MGAT5: variants seen among roughly 807,000 people sequenced by gnomAD.
MGAT5 encodes the protein alpha-1,6-mannosylglycoprotein 6-beta-N-acetylglucosaminyltransferase.
MGAT5 carries 30 observed loss-of-function variants against 94.3 expected under a neutral mutation model. The ratio of observed to expected loss-of-function variants is 0.32; its 90% confidence interval spans 0.24 to 0.43. The LOEUF (loss-of-function observed/expected upper bound fraction) is 0.43, where lower values mean the gene tolerates loss of function less well. MGAT5 is among the 20% of genes least tolerant of loss of function. The probability of loss-of-function intolerance (pLI) is 1.00; values close to 1 mark genes in which losing one functional copy is unlikely to be tolerated. For missense variants in MGAT5, 691 were observed against 905.5 expected (o/e 0.76, Z 3.04); for synonymous variants, 310 against 322.9 (o/e 0.96, Z 0.43).
At chr2:134,440,271 G>A (rs1014290368) in intron 14 of MGAT5, among the ~76,000 whole-genome samples, 2 of 152,126 alleles carry the variant, frequency 1.3e-5, no homozygotes, top group Non-Finnish European at 2.9e-5. Flanking sequence ...TTGAATATAC[G>A]AAATGTTGTA....
intron 9 of MGAT5, among the ~76,000 whole-genome samples, chr2:134,350,469 T>C: frequency 6.6e-6 from 1 of 152,232 alleles, no homozygotes; most frequent in East Asian, 1.9e-4. Context: ...TTTTACCTTC[T>C]CTTGCTGACT....
At chr2:134,270,590 C>T (rs776819998) in intron 2 of MGAT5, 40 bp downstream of exon 2, 1 of 1,602,366 alleles carries the variant, frequency 6.2e-7, no homozygotes. Flanking sequence ...GGAGTCACAC[C>T]CTGCTTTGGA....
intron 11 of MGAT5, 31 bp from the exon 12 acceptor site, chr2:134,412,838 T>A (rs199596283): frequency 3.4e-4 from 542 of 1,613,372 alleles, no homozygotes; most frequent in Non-Finnish European, 4.4e-4. Flanking sequence ...GCCTGATGTG[T>A]TCATACGCTG....
chr2:134,262,720 A>T (rs7596803), intron 1 of MGAT5, among the ~76,000 whole-genome samples: 32,367 of 152,188 alleles, frequency 0.21, 4,888 homozygotes, highest in African/African-American at 0.39. Flanking sequence ...TCCTATTAGT[A>T]ATCACTAACT....
intron 10 of MGAT5, among the ~76,000 whole-genome samples, chr2:134,389,721 G>A (rs1682280808): frequency 6.6e-6 from 1 of 152,208 alleles, no homozygotes; most frequent in Admixed American, 6.5e-5. Flanking sequence ...TAAATTTGGA[G>A]TACTTGTATT....
At chr2:134,231,837 TTC>T (rs1681379575) in intron 1 of MGAT5, among the ~76,000 whole-genome samples, 2 of 152,174 alleles carry the variant, frequency 1.3e-5, no homozygotes, top group Admixed American at 1.3e-4. Flanking sequence ...TGGCTGGTCC[TTC>T]TTGCCTGCTG....
At chr2:134,226,152 C>A (rs1363229532) in intron 1 of MGAT5, among the ~76,000 whole-genome samples, 1 of 152,174 alleles carries the variant, frequency 6.6e-6, no homozygotes, top group Non-Finnish European at 1.5e-5. Context: ...TCTTTGAACT[C>A]AAATGGAAGT....
intron 1 of MGAT5, among the ~76,000 whole-genome samples, chr2:134,230,780 T>C (rs1334600510): frequency 6.6e-6 from 1 of 152,094 alleles, no homozygotes; most frequent in Non-Finnish European, 1.5e-5. Context: ...AGTTATCATA[T>C]GACCCAGTAA....
intron 4 of MGAT5, among the ~76,000 whole-genome samples, chr2:134,320,889 C>CT (rs1189623488): frequency 1.3e-5 from 2 of 152,108 alleles, no homozygotes; most frequent in African/African-American, 4.8e-5. Context: ...TCAAGTTACA[C>CT]TTTTTGGGGG....
intron 10 of MGAT5, among the ~76,000 whole-genome samples, chr2:134,402,538 G>A (rs1574023420): frequency 6.6e-6 from 1 of 152,258 alleles, no homozygotes; most frequent in East Asian, 1.9e-4. Context: ...CTCTGGGACA[G>A]CTTAGCATCT....
intron 1 of MGAT5, among the ~76,000 whole-genome samples, chr2:134,216,320 TGTC>T (rs74323075): frequency 0.041 from 6,236 of 152,286 alleles, 168 homozygotes; most frequent in East Asian, 0.069. Context: ...TTGTTCATGT[TGTC>T]GTCCTATGAG....
chr2:134,308,126 A>G (rs1319870342), intron 2 of MGAT5, among the ~76,000 whole-genome samples: 3 of 152,194 alleles, frequency 2.0e-5, no homozygotes, highest in African/African-American at 7.2e-5. Flanking sequence ...TAATCGGTGT[A>G]CATAAGATAC....
intron 2 of MGAT5, 81 bp from the exon 3 acceptor site, chr2:134,317,448 C>T: frequency 1.9e-6 from 2 of 1,061,146 alleles, no homozygotes; most frequent in Non-Finnish European, 1.3e-6. Context: ...GGTTTCTCTC[C>T]CTACCTCTTG....
chr2:134,191,814 G>T (rs556366390), intron 1 of MGAT5, among the ~76,000 whole-genome samples: 5 of 150,112 alleles, frequency 3.3e-5, no homozygotes, highest in Non-Finnish European at 7.4e-5. Context: ...GCGCGAGCGG[G>T]TTCCTGATGG....
At chr2:134,394,498 T>C (rs1239186318) in intron 10 of MGAT5, among the ~76,000 whole-genome samples, 1 of 152,262 alleles carries the variant, frequency 6.6e-6, no homozygotes, top group Non-Finnish European at 1.5e-5. Context: ...ACACAAAATG[T>C]AATGTTATTC....
chr2:134,255,664 G>C (rs1682918232), intron 1 of MGAT5, among the ~76,000 whole-genome samples: 1 of 152,156 alleles, frequency 6.6e-6, no homozygotes, highest in Admixed American at 6.5e-5. Flanking sequence ...TCTGATCATT[G>C]AATTGAGGTT....
chr2:134,191,589 G>C (rs1203317882), intron 1 of MGAT5, among the ~76,000 whole-genome samples: 1 of 145,850 alleles, frequency 6.9e-6, no homozygotes, highest in African/African-American at 2.6e-5. Context: ...TCTGGCGCAA[G>C]TGGGTTTCTC....
chr2:134,277,941 T>TA (rs1684478296), intron 2 of MGAT5, among the ~76,000 whole-genome samples: 1 of 152,216 alleles, frequency 6.6e-6, no homozygotes, highest in Non-Finnish European at 1.5e-5. Flanking sequence ...GTTTTGTCAA[T>TA]AATCTCTTGG....
chr2:134,134,385 G>A (rs911632110), intron 1 of MGAT5, among the ~76,000 whole-genome samples: 2 of 152,182 alleles, frequency 1.3e-5, no homozygotes, highest in Non-Finnish European at 2.9e-5. Flanking sequence ...GCCCCCTGCA[G>A]CCTGGGATCG....
Sources: gnomAD v4.1 joint callset for allele counts (sites outside exome capture counted in the v4.1 genomes callset) on GRCh38, gnomAD v4.1.1 for gene constraint, MANE v1.5 for transcripts, NCBI Gene and HGNC (gene_info 2026-07-23, HGNC 2026-07-21) for gene names.